The following EYS variants were observed in gnomAD, a reference collection of about 807,000 sequenced individuals.
The protein encoded by EYS is protein eyes shut homolog.
Under a neutral mutation model 282.1 loss-of-function variants are expected in EYS, and 250 were observed. The ratio of observed to expected loss-of-function variants is 0.89; its 90% CI spans 0.80 to 0.98. The LOEUF (loss-of-function observed/expected upper bound fraction) is 0.98, where lower values mean the gene tolerates loss of function less well. Ranked by LOEUF, EYS falls within the 50% of genes least tolerant of loss-of-function variation. The probability of loss-of-function intolerance (pLI) is 0.00; values close to 1 mark genes in which losing one functional copy is unlikely to be tolerated. For synonymous variants in EYS, 1,355 were observed against 1,282.9 expected (o/e 1.06, Z -1.20); for missense variants, 4,016 against 3,709.0 (o/e 1.08, Z -2.15).
intron 33 of EYS, among the ~76,000 whole-genome samples, chr6:64,048,441 C>T (rs992430563): frequency 2.0e-5 from 3 of 151,934 alleles, no homozygotes; most frequent in African/African-American, 7.3e-5. Flanking sequence ...GGAAAATGAC[C>T]GTGCCTTGTC....
At chr6:65,363,540 C>T (rs6937011) in intron 8 of EYS, among the ~76,000 whole-genome samples, 61,764 of 151,410 alleles carry the variant, frequency 0.41, 12,750 homozygotes, top group Non-Finnish European at 0.46. Flanking sequence ...TTTTTCATGG[C>T]GTAGACAGAC....
chr6:65,342,768 G>A (rs1236778425), intron 10 of EYS, among the ~76,000 whole-genome samples: 1 of 150,564 alleles, frequency 6.6e-6, no homozygotes, highest in African/African-American at 2.4e-5. Flanking sequence ...AATGATCTTA[G>A]ATTGCTATAT....
intron 31 of EYS, among the ~76,000 whole-genome samples, chr6:64,182,666 C>T (rs749522269): frequency 2.0e-4 from 31 of 152,274 alleles, no homozygotes; most frequent in Admixed American, 5.9e-4. Flanking sequence ...CGAGCTTCCT[C>T]TTAACCTCAA....
intron 31 of EYS, among the ~76,000 whole-genome samples, chr6:64,182,554 C>T (rs1039876250): frequency 6.6e-6 from 1 of 152,044 alleles, no homozygotes; most frequent in Non-Finnish European, 1.5e-5. Flanking sequence ...ATAAACATAT[C>T]GTTATTTTGC....
intron 12 of EYS, among the ~76,000 whole-genome samples, chr6:65,269,311 T>C (rs952769975): frequency 1.3e-5 from 2 of 152,168 alleles, no homozygotes; most frequent in Non-Finnish European, 2.9e-5. Flanking sequence ...GGTATATGTG[T>C]GTGACTCAGA....
chr6:65,657,450 T>C (rs1767865885), intron 1 of EYS, among the ~76,000 whole-genome samples: 1 of 151,854 alleles, frequency 6.6e-6, no homozygotes, highest in Non-Finnish European at 1.5e-5. Context: ...AAAAAGTTGA[T>C]TCCAAATCTC....
At chr6:64,216,559 C>T (rs1765934904) in intron 31 of EYS, among the ~76,000 whole-genome samples, 1 of 152,168 alleles carries the variant, frequency 6.6e-6, no homozygotes, top group African/African-American at 2.4e-5. Context: ...TGCTACCTCC[C>T]ATTCCCCACA....
At chr6:64,063,680 C>T (rs565276851) in intron 33 of EYS, among the ~76,000 whole-genome samples, 51 of 152,090 alleles carry the variant, frequency 3.4e-4, no homozygotes, top group South Asian at 2.1e-4. Flanking sequence ...CTGTTCTTTG[C>T]GGTCTCTGAA....
chr6:65,006,938 G>T (rs1771687732), intron 13 of EYS, among the ~76,000 whole-genome samples: 1 of 152,138 alleles, frequency 6.6e-6, no homozygotes, highest in Non-Finnish European at 1.5e-5. Context: ...ATTTGCATAA[G>T]AACTGTTGTT....
intron 15 of EYS, among the ~76,000 whole-genome samples, chr6:64,936,679 C>G (rs1047236314): frequency 6.6e-6 from 1 of 151,192 alleles, no homozygotes; most frequent in African/African-American, 2.4e-5. Context: ...TTTCTAATAA[C>G]ATAAAAAGAT....
At chr6:65,315,062 C>G (rs1360165384) in intron 11 of EYS, among the ~76,000 whole-genome samples, 2 of 152,008 alleles carry the variant, frequency 1.3e-5, no homozygotes, top group Non-Finnish European at 2.9e-5. Flanking sequence ...ATAATCATCT[C>G]TGACTTTTGT....
At chr6:63,938,167 A>G (rs1765128904) in intron 35 of EYS, among the ~76,000 whole-genome samples, 1 of 152,204 alleles carries the variant, frequency 6.6e-6, no homozygotes, top group Non-Finnish European at 1.5e-5. Context: ...GGAAATAGGA[A>G]ACTCAAGTAC....
chr6:64,494,699 C>T (rs1396429024), intron 26 of EYS, among the ~76,000 whole-genome samples: 2 of 151,658 alleles, frequency 1.3e-5, no homozygotes, highest in Non-Finnish European at 3.0e-5. Flanking sequence ...AACCACTACT[C>T]TTAACATTGG....
intron 22 of EYS, among the ~76,000 whole-genome samples, chr6:64,640,357 G>C (rs1241909153): frequency 6.6e-6 from 1 of 151,980 alleles, no homozygotes; most frequent in South Asian, 2.1e-4. Flanking sequence ...AAGAAAATGT[G>C]GCACATATAC....
intron 31 of EYS, among the ~76,000 whole-genome samples, chr6:64,174,362 G>A (rs978124281): frequency 1.3e-5 from 2 of 151,960 alleles, no homozygotes; most frequent in African/African-American, 4.8e-5. Flanking sequence ...TTTGCTTGTT[G>A]AATAAATATT....
chr6:64,297,111 C>T (rs992635406), intron 30 of EYS, among the ~76,000 whole-genome samples: 12 of 152,198 alleles, frequency 7.9e-5, no homozygotes, highest in African/African-American at 1.9e-4. Flanking sequence ...CAGCTTGTGA[C>T]GGCCATGGTG....
chr6:65,663,768 G>A (rs1056465750), intron 1 of EYS, among the ~76,000 whole-genome samples: 8 of 151,952 alleles, frequency 5.3e-5, no homozygotes, highest in Admixed American at 3.9e-4. Flanking sequence ...TGCAAGCTCC[G>A]CCTCCCGGGT....
chr6:64,425,598 C>T (rs1561988063), intron 28 of EYS, among the ~76,000 whole-genome samples: 1 of 138,284 alleles, frequency 7.2e-6, no homozygotes, highest in African/African-American at 2.7e-5. Flanking sequence ...AAGTTGCAGT[C>T]AGCTGAGATC....
chr6:65,412,987 A>G (rs1767083942), intron 5 of EYS, among the ~76,000 whole-genome samples: 1 of 152,120 alleles, frequency 6.6e-6, no homozygotes, highest in Non-Finnish European at 1.5e-5. Context: ...GCACATTTTA[A>G]GATGTGATTT....
Sources: gnomAD v4.1 joint callset for allele counts (sites outside exome capture counted in the v4.1 genomes callset) on GRCh38, gnomAD v4.1.1 for gene constraint, MANE v1.5 for transcripts, NCBI Gene and HGNC (gene_info 2026-07-23, HGNC 2026-07-21) for gene names.